CAPZB: variants seen among roughly 807,000 people sequenced by gnomAD.
The protein encoded by CAPZB is F-actin-capping protein subunit beta.
In CAPZB, 2 loss-of-function variants were observed where a neutral mutation model predicts 38.1. That is an observed-to-expected ratio of 0.05 (90% CI 0.02 to 0.17). CAPZB has a LOEUF of 0.17. CAPZB is among the 10% of genes least tolerant of loss of function. CAPZB has a pLI of 1.00. For synonymous variants in CAPZB, 107 were observed against 127.4 expected, an observed-to-expected ratio of 0.84 and a Z score of 1.08; for missense variants, 161 against 334.2, an observed-to-expected ratio of 0.48 and a Z score of 4.04.
At chr1:19,411,638 T>C (rs541248462) in intron 2 of CAPZB, among the ~76,000 whole-genome samples, 21 of 152,208 alleles carry the variant, frequency 1.4e-4, no homozygotes, top group Admixed American at 5.2e-4. Context: ...ATTGTCTGGA[T>C]TGCCTTTACA....
At chr1:19,373,489 G>C (rs2094129569) in intron 4 of CAPZB, among the ~76,000 whole-genome samples, 1 of 152,084 alleles carries the variant, frequency 6.6e-6, no homozygotes, top group Non-Finnish European at 1.5e-5. Context: ...CCTGAAGACA[G>C]AATCTACGTC....
At position 19,371,024 on chromosome 1, in the gene CAPZB, G is replaced by A. The variant is rs114342983; in HGVS notation, c.329+7516C>T. On this transcript the variant is annotated intron_variant, in intron 4 of 8. Transcript: ENST00000264202. Reference sequence around the variant, plus strand: ...ACCCTGGGCACATGACACCATCCCCGGCAGGTTCTCATTAAGGACCTGGTG... The same window carrying A: ...ACCCTGGGCACATGACACCATCCCCAGCAGGTTCTCATTAAGGACCTGGTG... 9.4e-3 allele frequency among the ~76,000 whole-genome samples: 1,425 copies of A among 152,230 alleles called. 22 individuals are homozygous for A. The highest frequency in any genetic ancestry group is 0.031 in the African/African-American group (1,300 of 41,522).
At chr1:19,466,802 T>G (rs2094570478) in intron 1 of CAPZB, among the ~76,000 whole-genome samples, 1 of 152,230 alleles carries the variant, frequency 6.6e-6, no homozygotes, top group Non-Finnish European at 1.5e-5. Context: ...TACCTATATT[T>G]AATATTCATA....
At position 19,401,871 on chromosome 1, in the gene CAPZB, T is replaced by C. The variant is rs1337713571; in HGVS notation, c.94-16245A>G. Reference sequence around the variant, plus strand: ...CAGAGGGGACATCTGCTTATTTGGCTTCCAGGTGGTGGGAGCAGTGGTTTT... The same window carrying C: ...CAGAGGGGACATCTGCTTATTTGGCCTCCAGGTGGTGGGAGCAGTGGTTTT... On this transcript the variant is annotated intron_variant, in intron 2 of 8. Transcript: ENST00000264202. Among the ~76,000 whole-genome samples the C allele has an allele frequency of 5.3e-5, 8 of 152,194 alleles. No individual in the cohort carries two copies. In the East Asian group the frequency reaches 1.5e-3, roughly 29 times the overall value.
At chr1:19,418,126 ACT>A (rs2094387547) in intron 2 of CAPZB, among the ~76,000 whole-genome samples, 1 of 115,302 alleles carries the variant, frequency 8.7e-6, no homozygotes, top group Admixed American at 1.1e-4. Flanking sequence ...ACAGAATGAG[ACT>A]CTGTCACCAA....
intron 1 of CAPZB, among the ~76,000 whole-genome samples, chr1:19,463,292 T>G (rs537758155): frequency 1.3e-5 from 2 of 152,312 alleles, no homozygotes; most frequent in African/African-American, 4.8e-5. Context: ...ACCTCACTTG[T>G]GCCGCTCTTC....
chr1:19,361,748 G>C (rs540472098), intron 4 of CAPZB, among the ~76,000 whole-genome samples: 1 of 152,216 alleles, frequency 6.6e-6, no homozygotes, highest in African/African-American at 2.4e-5. Flanking sequence ...GGTATTTTAA[G>C]AATGTGCTAA....
chr1:19,469,870 G>A (rs1340033875), intron 1 of CAPZB, among the ~76,000 whole-genome samples: 3 of 152,018 alleles, frequency 2.0e-5, no homozygotes, highest in Admixed American at 1.3e-4. Context: ...CCCAGGTCGG[G>A]GGGTATTCCA....
At chr1:19,474,989 T>C (rs2094602010) in intron 1 of CAPZB, among the ~76,000 whole-genome samples, 1 of 152,128 alleles carries the variant, frequency 6.6e-6, no homozygotes. Context: ...CAGGGAGCTA[T>C]GGAGGAGGCG....
chr1:19,379,356 C>A (rs183985544), intron 3 of CAPZB, among the ~76,000 whole-genome samples: 2 of 152,314 alleles, frequency 1.3e-5, no homozygotes, highest in Non-Finnish European at 2.9e-5. Context: ...GCCTCAGCCT[C>A]CCAAAGTGCT....
intron 6 of CAPZB, among the ~76,000 whole-genome samples, chr1:19,350,853 A>G (rs1358644199): frequency 2.6e-5 from 4 of 152,164 alleles, no homozygotes; most frequent in African/African-American, 9.6e-5. Flanking sequence ...CTCGAGCTCA[A>G]GTGATCTGCC....
chr1:19,458,840 G>T (rs2088824), intron 1 of CAPZB, among the ~76,000 whole-genome samples: 92,231 of 152,160 alleles, frequency 0.61, 28,589 homozygotes, highest in East Asian at 0.7. Flanking sequence ...GTGAAGCAAC[G>T]GACAGAAACA....
chr1:19,350,523 TTAC>T (rs2093986079), intron 6 of CAPZB, among the ~76,000 whole-genome samples: 1 of 152,256 alleles, frequency 6.6e-6, no homozygotes, highest in African/African-American at 2.4e-5. Context: ...CCAGGGAAAG[TTAC>T]GGTTGCCCAG....
intron 3 of CAPZB, among the ~76,000 whole-genome samples, chr1:19,385,093 T>C (rs2094196537): frequency 6.6e-6 from 1 of 152,148 alleles, no homozygotes; most frequent in South Asian, 2.1e-4. Context: ...CGTAGATCCC[T>C]TACCACAGAG....
At chr1:19,422,729 A>AAACAACAAC (rs60458604) in intron 1 of CAPZB, among the ~76,000 whole-genome samples, 40,123 of 150,252 alleles carry the variant, frequency 0.27, 5,524 homozygotes, top group East Asian at 0.33. Flanking sequence ...TCCATCTCAA[A>AAACAACAAC]AACAACAACA....
intron 2 of CAPZB, among the ~76,000 whole-genome samples, chr1:19,409,192 G>A (rs1033562366): frequency 1.8e-4 from 27 of 152,070 alleles, no homozygotes; most frequent in South Asian, 8.3e-4. Context: ...TGCCAACATG[G>A]GTGATGATGC....
intron 1 of CAPZB, among the ~76,000 whole-genome samples, chr1:19,436,997 C>G (rs1344617507): frequency 6.6e-6 from 1 of 152,174 alleles, no homozygotes; most frequent in Non-Finnish European, 1.5e-5. Flanking sequence ...CCAAGGAGGG[C>G]TGGATTAGGC....
At chr1:19,425,193 G>A (rs2094417888) in intron 1 of CAPZB, among the ~76,000 whole-genome samples, 2 of 152,188 alleles carry the variant, frequency 1.3e-5, no homozygotes, top group Admixed American at 1.3e-4. Flanking sequence ...TCAAAACTCT[G>A]ACTGGTCCAG....
chr1:19,345,258 A>G lies in CAPZB; in HGVS notation c.589-6T>C. The G allele has an allele frequency of 6.2e-7, 1 of 1,611,656 alleles. No homozygotes were observed. Among genetic ancestry groups the G allele is most frequent in the Non-Finnish European group, 8.5e-7 (1 of 1,178,020 alleles). Reference sequence around the variant, plus strand: ...ACAGTTTCATCCTTCTCCATCTGCAAAAGACAGAAACATTCCAAGTCAGAG... The same window carrying G: ...ACAGTTTCATCCTTCTCCATCTGCAGAAGACAGAAACATTCCAAGTCAGAG... On this transcript the variant is annotated splice_region_variant and splice_polypyrimidine_tract_variant and intron_variant, in intron 6 of 8. Coordinates refer to ENST00000264202, the MANE Select transcript of CAPZB (RefSeq NM_004930.5).
Sources: gnomAD v4.1 joint callset for allele counts (sites outside exome capture counted in the v4.1 genomes callset) on GRCh38, gnomAD v4.1.1 for gene constraint, MANE v1.5 for transcripts, NCBI Gene and HGNC (gene_info 2026-07-23, HGNC 2026-07-21) for gene names.